The following IGSF9B variants were observed in gnomAD, a reference collection of about 807,000 sequenced individuals.
The protein encoded by IGSF9B is protein turtle homolog B.
A neutral mutation model predicts 143.7 loss-of-function variants in IGSF9B; 48 were observed. The observed-to-expected ratio is 0.33, with a 90% CI of 0.26 to 0.42. The LOEUF (loss-of-function observed/expected upper bound fraction) is 0.42. Ranked by LOEUF, IGSF9B falls within the 20% of genes least tolerant of loss-of-function variation. IGSF9B has a pLI of 1.00. For synonymous variants in IGSF9B, 903 were observed against 833.1 expected, an observed-to-expected ratio of 1.08 and a Z score of -1.44; for missense variants, 1,706 against 1,980.0, an observed-to-expected ratio of 0.86 and a Z score of 2.63.
At chr11:133,915,256 T>TTC (rs752318217) in intron 18 of IGSF9B, among the ~76,000 whole-genome samples, 2 of 131,546 alleles carry the variant, frequency 1.5e-5, no homozygotes, top group Non-Finnish European at 3.3e-5. Context: ...TGGAACTTAC[T>TTC]TCTCTCTCTC....
chr11:133,949,715 G>A (rs570219333), intron 1 of IGSF9B, among the ~76,000 whole-genome samples: 2 of 152,054 alleles, frequency 1.3e-5, no homozygotes, highest in Non-Finnish European at 2.9e-5. Context: ...AGACTGGAAG[G>A]GGGAGGGGCT....
chr11:133,937,756 C>T (rs890400296), intron 4 of IGSF9B, 54 bp downstream of exon 4: 20 of 1,578,118 alleles, frequency 1.3e-5, no homozygotes, highest in Admixed American at 1.8e-5. Flanking sequence ...AGGAGGCTGC[C>T]CTGGGGAAAC....
chr11:133,918,077 C>A (rs1005254866), intron 18 of IGSF9B, among the ~76,000 whole-genome samples: 2 of 150,910 alleles, frequency 1.3e-5, no homozygotes, highest in Admixed American at 6.6e-5. Flanking sequence ...TGCAGCTAGG[C>A]GGTGCCGAGC....
rs376800077 is a variant in IGSF9B at position 133,921,292 on chromosome 11, G to A, written c.2433C>T (p.Pro811=). ...ACAGCGACAGCTCCTTCTCACGGGT[G>A]GGGCTCAGCATCCTCTTGGCCGCGG... ...GQPAAKRMLS[P]TREKELSLYK... The change falls in exon 18 of 20, where the codon CCC becomes CCT. Residue 811 remains proline (P), a synonymous_variant. Transcript: ENST00000533871. 4.7e-5 allele frequency: 76 copies of A among 1,610,484 alleles called. No homozygotes were observed. In the African/African-American group the frequency reaches 6.5e-4, roughly 14 times the overall value.
At position 133,925,831 on chromosome 11, in the gene IGSF9B, T is replaced by C. The variant is rs763656344; in HGVS notation, c.1942A>G (p.Ile648Val). Residue 648 changes from isoleucine (I) to valine (V), a missense_variant, in exon 14 of 20, where the codon ATC becomes GTC. Ile to Val is a conservative substitution (Grantham distance 29). Transcript: ENST00000533871. ...CGCTCTGCGACACGGAACTCCATGA[T>C]GTAGCGGTCGATGGGAAAGCTGTGG... ...ANHSFPIDRY[I>V]MEFRVAERWE... 4 of 1,613,882 alleles carry C rather than the reference T, an allele frequency of 2.5e-6. No homozygotes were observed. The highest frequency in any genetic ancestry group is 3.4e-6 in the Non-Finnish European group (4 of 1,179,874).
intron 1 of IGSF9B, among the ~76,000 whole-genome samples, chr11:133,950,003 G>T (rs950052967): frequency 2.0e-5 from 3 of 152,176 alleles, no homozygotes; most frequent in African/African-American, 7.2e-5. Flanking sequence ...GAAAGTAGGA[G>T]GGCAAGGAAA....
intron 1 of IGSF9B, among the ~76,000 whole-genome samples, chr11:133,951,028 C>T (rs942245185): frequency 2.6e-5 from 4 of 152,148 alleles, no homozygotes; most frequent in Non-Finnish European, 4.4e-5. Context: ...GTCCCCCAAC[C>T]CCTCCTCCCT....
At chr11:133,916,721 G>C (rs1939389153) in intron 18 of IGSF9B, among the ~76,000 whole-genome samples, 1 of 152,182 alleles carries the variant, frequency 6.6e-6, no homozygotes, top group Non-Finnish European at 1.5e-5. Flanking sequence ...TGAGTGAAGG[G>C]GTGAGGAATA....
rs576312938 is a variant in IGSF9B at position 133,906,517 on chromosome 11, G to C, written c.*2552C>G. Among the ~76,000 whole-genome samples, 1 of 152,230 alleles carries C rather than the reference G, an allele frequency of 6.6e-6. No individual in the cohort carries two copies. Among genetic ancestry groups the C allele is most frequent in the Admixed American group, 6.5e-5 (1 of 15,286 alleles). Reference sequence around the variant, plus strand: ...ACCAGCGAAAAGCACGGCTCCCCGCGTTGGGTCTACGTGCTGAGGTCATGG... The same window carrying C: ...ACCAGCGAAAAGCACGGCTCCCCGCCTTGGGTCTACGTGCTGAGGTCATGG... On this transcript the variant is annotated 3_prime_UTR_variant, in exon 20 of 20. Transcript: ENST00000533871.
chr11:133,929,558 C>T (rs1939686035), intron 12 of IGSF9B, 113 bp downstream of exon 12: 8 of 725,240 alleles, frequency 1.1e-5, no homozygotes, highest in Non-Finnish European at 1.9e-5. Flanking sequence ...GGCTGGCAGG[C>T]CAGGAACTGC....
chr11:133,911,868 C>T lies in IGSF9B; in HGVS notation c.4105+18G>A. On this transcript the variant is annotated intron_variant, in intron 19 of 19. Transcript: ENST00000533871. The stretch of plus-strand genomic sequence containing the variant: ...GGCAAGGTGGGAGGAGCGGGGCGGG[C>T]CACTGCCCATCATTTACCGGATCGT... The T allele has an allele frequency of 6.6e-7, 1 of 1,515,816 alleles. No individual in the cohort carries two copies. Among genetic ancestry groups the T allele is most frequent in the Admixed American group, 2.1e-5 (1 of 47,284 alleles). The allele number at this position is 1,515,816 out of a possible 1,614,324, so 93.9% of individuals were successfully genotyped here.
chr11:133,918,847 G>A (rs1229008133), intron 18 of IGSF9B, among the ~76,000 whole-genome samples: 1 of 151,674 alleles, frequency 6.6e-6, no homozygotes, highest in Non-Finnish European at 1.5e-5. Flanking sequence ...GGGTATCCGG[G>A]GGCACTACAG....
In IGSF9B at chr11:133,931,613, G is replaced by A; in HGVS notation, c.1251+42C>T. The A allele has an allele frequency of 6.2e-7, 1 of 1,608,832 alleles. No homozygotes were observed. The highest frequency in any genetic ancestry group is 2.2e-5 in the East Asian group (1 of 44,746). On this transcript the variant is annotated intron_variant, in intron 9 of 19. Transcript: ENST00000533871. This position sits in a 1 kb window ranked among gnomAD's most constrained non-coding sequence, Gnocchi z 7.7. ...GCACCCTCGTGAGGCCGGGGATCCA[G>A]GTGCCCAGCTCATGGAGGCCGTCAC...
chr11:133,919,128 G>GGGGGGGA, intron 18 of IGSF9B: 3 of 335,538 alleles, frequency 8.9e-6, no homozygotes, highest in South Asian at 4.0e-5. Flanking sequence ...CGGGGGGGGG[G>GGGGGGGA]TGGGGGACGT....
At position 133,919,759 on chromosome 11, in the gene IGSF9B, G is replaced by C; in HGVS notation, c.3966C>G (p.Pro1322=). Residue 1322 remains proline, a synonymous_variant, in exon 18 of 20, where the codon CCC becomes CCG. Coordinates refer to ENST00000533871, the MANE Select transcript of IGSF9B (RefSeq NM_001277285.4). The stretch of plus-strand genomic sequence containing the variant: ...GCACTCACCCTGAAGTAGGTAACGT[G>C]GGTGGTGGGGTCTCCGGTCGGAGCA... The part of the protein sequence containing the change: ...EELLRPETPP[P]TLPTSGTLPP... 1 of 1,471,354 alleles carries C rather than the reference G, an allele frequency of 6.8e-7. No homozygotes were observed. The highest frequency in any genetic ancestry group is 9.0e-7 in the Non-Finnish European group (1 of 1,108,572). The allele number at this position is 1,471,354 out of a possible 1,614,324, so 91.1% of individuals were successfully genotyped here. A position where few individuals can be genotyped will look rare whatever the true frequency, so the allele number is the denominator to read the frequency against.
chr11:133,930,357 A>C (rs1348060470), intron 11 of IGSF9B, among the ~76,000 whole-genome samples: 2 of 152,098 alleles, frequency 1.3e-5, no homozygotes, highest in Non-Finnish European at 2.9e-5. Flanking sequence ...GCACCTCCCG[A>C]GTTGTGAAGG....
chr11:133,916,314 T>C (rs957804682), intron 18 of IGSF9B, among the ~76,000 whole-genome samples: 2 of 152,036 alleles, frequency 1.3e-5, no homozygotes, highest in Non-Finnish European at 2.9e-5. Flanking sequence ...CAACTACATA[T>C]GGACCAAAGG....
At position 133,945,923 on chromosome 11, in the gene IGSF9B, C is replaced by G; in HGVS notation, c.262+138G>C. The G allele has an allele frequency of 1.5e-6, 1 of 657,026 alleles. No individual in the cohort carries two copies. The highest frequency in any genetic ancestry group is 2.1e-5 in the South Asian group (1 of 47,812). The allele number at this position is 657,026 out of a possible 1,614,324, so 40.7% of individuals were successfully genotyped here. A position where few individuals can be genotyped will look rare whatever the true frequency, so the allele number is the denominator to read the frequency against. On this transcript the variant is annotated intron_variant, in intron 2 of 19. Coordinates refer to ENST00000533871, the MANE Select transcript of IGSF9B (RefSeq NM_001277285.4). The surrounding 1 kb of genome is among the most constrained non-coding windows in gnomAD (Gnocchi z 4.6). ...CCGCTTGATTAGAACCAACAGAGGA[C>G]AAAGGATGGGAGGAACCAGGCAGAG...
At position 133,902,585 on chromosome 11, in the gene IGSF9B, CA is replaced by C. The variant is rs1377604726; in HGVS notation, c.*6483del. Among the ~76,000 whole-genome samples, 23 of 147,734 alleles carry C rather than the reference CA, an allele frequency of 1.6e-4. No individual in the cohort carries two copies. Among genetic ancestry groups the C allele is most frequent in the Admixed American group, 9.5e-4 (14 of 14,786 alleles). On this transcript the variant is annotated 3_prime_UTR_variant, in exon 20 of 20. Coordinates refer to ENST00000533871, the MANE Select transcript of IGSF9B (RefSeq NM_001277285.4). The stretch of plus-strand genomic sequence containing the variant: ...CACACACCCCACACACACACACACA[CA>C]CCCCACTTACTTCCTGAATCCAGAA...
Sources: allele counts gnomAD v4.1 joint callset (sites outside exome capture counted in the v4.1 genomes callset), GRCh38; gene constraint gnomAD v4.1.1; non-coding constraint Gnocchi (gnomAD v3.1); transcripts MANE v1.5; gene names NCBI Gene and HGNC (gene_info 2026-07-23, HGNC 2026-07-21).